The following SRGAP1 variants were observed in gnomAD, a reference collection of about 807,000 sequenced individuals.
SRGAP1 encodes SLIT-ROBO Rho GTPase-activating protein 1.
SRGAP1 carries 43 observed loss-of-function variants against 121.9 expected under a neutral mutation model. The observed-to-expected ratio is 0.35, with a 90% CI of 0.28 to 0.46. SRGAP1 has a LOEUF of 0.46. Among genes scored for constraint, SRGAP1 ranks in the 20% least tolerant of loss-of-function variants. The pLI, the probability that SRGAP1 is intolerant of heterozygous loss-of-function variation, is 1.00. For missense variants in SRGAP1, 1,102 were observed against 1,350.9 expected, an observed-to-expected ratio of 0.82 and a Z score of 2.89; for synonymous variants, 447 against 485.4, an observed-to-expected ratio of 0.92 and a Z score of 1.04.
At chr12:63,877,292 T>G (rs529757646) in intron 1 of SRGAP1, among the ~76,000 whole-genome samples, 67 of 152,296 alleles carry the variant, frequency 4.4e-4, no homozygotes, top group Non-Finnish European at 8.8e-4. Context: ...TTATTTTGTG[T>G]GTGTATGTAT....
intron 1 of SRGAP1, among the ~76,000 whole-genome samples, chr12:63,934,589 C>T (rs1165942741): frequency 6.6e-6 from 1 of 152,124 alleles, no homozygotes. Context: ...TTATTTCAAG[C>T]TTATGTTGGC....
chr12:63,957,022 A>G (rs1198736806), intron 1 of SRGAP1, among the ~76,000 whole-genome samples: 1 of 152,200 alleles, frequency 6.6e-6, no homozygotes, highest in African/African-American at 2.4e-5. Context: ...TTGAAGGTTC[A>G]TCCATGTTGT....
chr12:63,907,847 A>G (rs1031729557), intron 1 of SRGAP1, among the ~76,000 whole-genome samples: 1 of 152,254 alleles, frequency 6.6e-6, no homozygotes, highest in African/African-American at 2.4e-5. Flanking sequence ...TAGCCCTTAC[A>G]TTTAGGCCTC....
intron 1 of SRGAP1, chr12:63,982,498 C>T (rs375195830): frequency 6.6e-6 from 1 of 152,228 alleles, no homozygotes; most frequent in Non-Finnish European, 1.5e-5. Context: ...CAGAACCTGA[C>T]CACCTTATTC....
At chr12:64,079,499 T>A (rs1347709056) in intron 9 of SRGAP1, among the ~76,000 whole-genome samples, 2 of 148,228 alleles carry the variant, frequency 1.3e-5, no homozygotes, top group Non-Finnish European at 3.0e-5. Flanking sequence ...TTATATATAT[T>A]TATATATGTT....
chr12:64,122,110 C>T (rs2036613861), intron 18 of SRGAP1, among the ~76,000 whole-genome samples: 1 of 152,096 alleles, frequency 6.6e-6, no homozygotes, highest in South Asian at 2.1e-4. Flanking sequence ...AGTGTGATCA[C>T]ATTTTATATA....
intron 1 of SRGAP1, among the ~76,000 whole-genome samples, chr12:63,947,376 A>G (rs2136357851): frequency 6.6e-6 from 1 of 152,332 alleles, no homozygotes; most frequent in Non-Finnish European, 1.5e-5. Context: ...GCATTTTCCT[A>G]GCCCAAGTTT....
At chr12:64,119,803 T>C (rs1431439392) in intron 18 of SRGAP1, among the ~76,000 whole-genome samples, 3 of 149,720 alleles carry the variant, frequency 2.0e-5, no homozygotes, top group African/African-American at 7.4e-5. Context: ...AGAGTTTTGC[T>C]TTTTTTGCCC....
chr12:64,080,284 A>C lies in SRGAP1; in HGVS notation c.1324-2A>C. 6.2e-7 allele frequency: 1 copy of C among 1,600,328 alleles called. No homozygotes were observed. The highest frequency in any genetic ancestry group is 8.5e-7 in the Non-Finnish European group (1 of 1,175,868). On this transcript the variant is annotated splice_acceptor_variant, in intron 9 of 21. Transcript: ENST00000355086. LOFTEE classifies it high-confidence loss of function. ...TTTAAAAATTATTCTTGCCTTTTGCAGAAACTCAGAGAATATTTGGAAGGC... is the reference window on the plus strand; with the variant it reads ...TTTAAAAATTATTCTTGCCTTTTGCCGAAACTCAGAGAATATTTGGAAGGC...
In SRGAP1 at chr12:64,091,400, G is replaced by A. The variant is rs2036049540; in HGVS notation, c.1539+22G>A. Reference sequence around the variant, plus strand: ...CAAGGTACTGGCACCAGCCATCTGGGTGGCTGATCTCCATGCTTCTTACTA... The same window carrying A: ...CAAGGTACTGGCACCAGCCATCTGGATGGCTGATCTCCATGCTTCTTACTA... On this transcript the variant is annotated intron_variant, in intron 12 of 21. Coordinates refer to ENST00000355086, the MANE Select transcript of SRGAP1 (RefSeq NM_020762.4). 9 of 1,554,636 alleles carry A rather than the reference G, an allele frequency of 5.8e-6. No individual in the cohort carries two copies. In the East Asian group the frequency reaches 1.8e-4, roughly 31 times the overall value.
intron 18 of SRGAP1, among the ~76,000 whole-genome samples, chr12:64,116,629 T>C (rs1293701525): frequency 1.3e-5 from 2 of 152,210 alleles, no homozygotes; most frequent in Non-Finnish European, 2.9e-5. Flanking sequence ...TATGTATCTA[T>C]TCCGTTCTTG....
Position 64,065,869 on chromosome 12 carries a change from A to G in SRGAP1, c.1125+650A>G, listed in dbSNP as rs186686772. 1.0e-4 allele frequency among the ~76,000 whole-genome samples: 16 copies of G among 152,390 alleles called. No homozygotes were observed. In the East Asian group the frequency reaches 2.9e-3, roughly 28 times the overall value. On this transcript the variant is annotated intron_variant, in intron 8 of 21. Transcript: ENST00000355086. The stretch of plus-strand genomic sequence containing the variant: ...TCAAATGGTACTTGAATGAGGATAG[A>G]AAATGTTTATTTGCCAGCATTACTG...
chr12:64,080,330 T>C lies in SRGAP1; in HGVS notation c.1368T>C (p.Leu456=), dbSNP rs2035814905. The change falls in exon 10 of 22, where the codon CTT becomes CTC. Residue 456 remains leucine, a synonymous_variant. Coordinates refer to ENST00000355086, the MANE Select transcript of SRGAP1 (RefSeq NM_020762.4). ...YLEGSNLITK[L]QAKHDLLQRT... ...AAGGCAGTAATCTCATCACAAAACT[T>C]CAAGCCAAACATGACTTGCTGCAGA... The C allele has an allele frequency of 1.9e-6, 3 of 1,613,900 alleles. No homozygotes were observed. Among genetic ancestry groups the C allele is most frequent in the Non-Finnish European group, 2.5e-6 (3 of 1,179,932 alleles).
At chr12:64,125,691 A>AT (rs992870975) in intron 18 of SRGAP1, among the ~76,000 whole-genome samples, 107 of 151,208 alleles carry the variant, frequency 7.1e-4, no homozygotes, top group Middle Eastern at 3.4e-3. Flanking sequence ...AGTTTAAAGT[A>AT]TTTTTTTTTG....
chr12:63,859,288 T>A (rs1024419353), intron 1 of SRGAP1, among the ~76,000 whole-genome samples: 2 of 152,090 alleles, frequency 1.3e-5, no homozygotes, highest in South Asian at 4.1e-4. Context: ...GCCTCCCAAG[T>A]AGCTGGGATT....
intron 6 of SRGAP1, among the ~76,000 whole-genome samples, chr12:64,051,234 T>G (rs1311748798): frequency 1.3e-5 from 2 of 152,218 alleles, no homozygotes; most frequent in East Asian, 3.8e-4. Flanking sequence ...TACATCTTAT[T>G]TAGGCATACC....
At chr12:63,949,800 C>A (rs2032231099) in intron 1 of SRGAP1, among the ~76,000 whole-genome samples, 1 of 152,164 alleles carries the variant, frequency 6.6e-6, no homozygotes, top group African/African-American at 2.4e-5. Context: ...CTCATCATTA[C>A]TGACAACTTA....
intron 8 of SRGAP1, among the ~76,000 whole-genome samples, chr12:64,074,480 C>T (rs1265575076): frequency 6.6e-6 from 1 of 152,168 alleles, no homozygotes; most frequent in East Asian, 1.9e-4. Context: ...ATGCTATGCA[C>T]TCCTACTTCT....
Position 64,027,523 on chromosome 12 carries a change from A to G in SRGAP1, c.489+10511A>G, listed in dbSNP as rs116748784. Among the ~76,000 whole-genome samples, 341 of 152,254 alleles carry G rather than the reference A, an allele frequency of 2.2e-3. 3 individuals carry two copies. Among genetic ancestry groups the G allele is most frequent in the African/African-American group, 8.0e-3 (330 of 41,506 alleles). ...GGAAAGGCATCTGAGGAAAAGGAGC[A>G]GTGAGAGCCAAGGCACAGAGTTGGG... On this transcript the variant is annotated intron_variant, in intron 4 of 21. Transcript: ENST00000355086.
Sources: allele counts gnomAD v4.1 joint callset (sites outside exome capture counted in the v4.1 genomes callset), GRCh38; gene constraint gnomAD v4.1.1; transcripts MANE v1.5; gene names NCBI Gene and HGNC (gene_info 2026-07-23, HGNC 2026-07-21).